The following CD34 variants were observed in gnomAD, a reference collection of about 807,000 sequenced individuals.
CD34 encodes CD34 molecule.
In CD34, 34 loss-of-function variants were observed where a neutral mutation model predicts 40.1. The observed-to-expected ratio is 0.85, with a 90% confidence interval of 0.65 to 1.13. CD34 has a LOEUF of 1.13. CD34 is among the 50% of genes most tolerant of loss of function. CD34 has a pLI of 0.00. For synonymous variants in CD34, 209 were observed against 190.0 expected (o/e 1.10, Z -0.82); for missense variants, 426 against 466.9 (o/e 0.91, Z 0.81).
At chr1:207,893,442 C>A (rs537454446) in intron 4 of CD34, among the ~76,000 whole-genome samples, 1 of 152,012 alleles carries the variant, frequency 6.6e-6, no homozygotes, top group African/African-American at 2.4e-5. Context: ...CAGGTGAAAA[C>A]GCTATTTTCA....
intron 4 of CD34, among the ~76,000 whole-genome samples, chr1:207,894,044 T>C (rs1167951505): frequency 1.3e-5 from 2 of 152,226 alleles, no homozygotes; most frequent in African/African-American, 2.4e-5. Flanking sequence ...GCCATTTCAC[T>C]TTTGGATATA....
chr1:207,889,124 G>T, intron 6 of CD34, 37 bp downstream of exon 6: 1 of 1,286,788 alleles, frequency 7.8e-7, no homozygotes, highest in Non-Finnish European at 1.1e-6. Context: ...CCCTGCCCCG[G>T]CATTCCCTCT....
intron 1 of CD34, 53 bp from the exon 2 acceptor site, chr1:207,900,056 T>G: frequency 2.9e-6 from 4 of 1,380,154 alleles, no homozygotes; most frequent in Middle Eastern, 1.9e-4. Flanking sequence ...AGCCTGGTGA[T>G]ATCACCTGAT....
intron 3 of CD34, among the ~76,000 whole-genome samples, chr1:207,898,127 C>A (rs957012375): frequency 6.6e-6 from 1 of 152,070 alleles, no homozygotes; most frequent in East Asian, 1.9e-4. Context: ...CTCACTGCAA[C>A]CTCCACCTCC....
chr1:207,896,359 C>T (rs1395860400), intron 4 of CD34, among the ~76,000 whole-genome samples: 1 of 152,164 alleles, frequency 6.6e-6, no homozygotes, highest in Non-Finnish European at 1.5e-5. Context: ...ACATTCTTTC[C>T]AATGCAGTAA....
intron 4 of CD34, among the ~76,000 whole-genome samples, chr1:207,896,666 G>GCC (rs1662154339): frequency 6.6e-6 from 1 of 151,932 alleles, no homozygotes; most frequent in African/African-American, 2.4e-5. Context: ...GATGCTGAGA[G>GCC]ATGCAAAAGA....
intron 4 of CD34, among the ~76,000 whole-genome samples, chr1:207,893,155 C>T (rs1662071364): frequency 6.6e-6 from 1 of 152,170 alleles, no homozygotes; most frequent in African/African-American, 2.4e-5. Flanking sequence ...ATCAGATTTA[C>T]AAGCTCCTAA....
chr1:207,889,631 C>G lies in CD34; in HGVS notation c.598-10G>C, dbSNP rs745829457. 6.2e-7 allele frequency: 1 copy of G among 1,611,812 alleles called. No homozygotes were observed. Among genetic ancestry groups the G allele is most frequent in the South Asian group, 1.1e-5 (1 of 90,782 alleles). On this transcript the variant is annotated splice_polypyrimidine_tract_variant and intron_variant, in intron 4 of 7. Transcript: ENST00000310833. ...CCTTCTTAAACTCCGCCTGGGAAGA[C>G]AGAGAAACATGGAGAGCAAGAGATG...
rs1661801161 is a variant in CD34, at chr1:207,881,428, G to C, written c.*6310C>G. ...TAATCCCAGCGCTTTGGGAGGCTGA[G>C]GTGGGTGGATCATGAGGTCAGGAGA... On this transcript the variant is annotated 3_prime_UTR_variant, in exon 8 of 8. Coordinates refer to ENST00000310833, the MANE Select transcript of CD34 (RefSeq NM_001025109.2). 1 of 152,248 alleles carries C rather than the reference G, an allele frequency of 6.6e-6. No individual in the cohort carries two copies. Among genetic ancestry groups the C allele is most frequent in the Non-Finnish European group, 1.5e-5 (1 of 68,082 alleles). 9.4% of individuals were successfully genotyped at this position (152,248 alleles called of 1,614,324 possible).
intron 4 of CD34, among the ~76,000 whole-genome samples, chr1:207,892,194 T>C (rs1404463785): frequency 5.9e-5 from 9 of 152,232 alleles, no homozygotes; most frequent in Admixed American, 5.9e-4. Flanking sequence ...CTCTGCTCTT[T>C]ACTGGATTCT....
intron 4 of CD34, among the ~76,000 whole-genome samples, chr1:207,897,284 A>C (rs1435770078): frequency 6.6e-6 from 1 of 152,204 alleles, no homozygotes; most frequent in African/African-American, 2.4e-5. Context: ...TTTATTAATA[A>C]TTAAAATTGT....
At chr1:207,889,058 G>GGA in intron 6 of CD34, 103 bp downstream of exon 6, 1 of 909,260 alleles carries the variant, frequency 1.1e-6, no homozygotes, top group African/African-American at 1.6e-5. Context: ...ACTCAGAGAA[G>GGA]GATGGTAGGT....
chr1:207,889,668 C>G (rs1661988772), intron 4 of CD34, 47 bp from the exon 5 acceptor site: 11 of 1,610,376 alleles, frequency 6.8e-6, no homozygotes, highest in Non-Finnish European at 9.3e-6. Flanking sequence ...AATTACTGCT[C>G]TGCCCTAAAC....
At chr1:207,895,198 G>A (rs1662124731) in intron 4 of CD34, among the ~76,000 whole-genome samples, 1 of 152,228 alleles carries the variant, frequency 6.6e-6, no homozygotes, top group Admixed American at 6.5e-5. Flanking sequence ...TTGTTTATCA[G>A]ACAAGCAGGG....
chr1:207,904,475 C>G (rs551064760), intron 1 of CD34, among the ~76,000 whole-genome samples: 2 of 152,214 alleles, frequency 1.3e-5, no homozygotes, highest in Non-Finnish European at 2.9e-5. Context: ...TCAAAGGCTT[C>G]TTTACCATGT....
In CD34 at chr1:207,896,114, G is replaced by A. The variant is rs112653006; in HGVS notation, c.597+1379C>T. On this transcript the variant is annotated intron_variant, in intron 4 of 7. Coordinates refer to ENST00000310833, the MANE Select transcript of CD34 (RefSeq NM_001025109.2). ...TACCGAGTTAGAATGGAAAAAATAA[G>A]TAATTTAAGCCCTCTACAGGCTGCG... Among the ~76,000 whole-genome samples the A allele has an allele frequency of 3.0e-3, 463 of 152,330 alleles. 1 individual carries two copies. Among genetic ancestry groups the A allele is most frequent in the Non-Finnish European group, 4.5e-3 (303 of 68,032 alleles).
chr1:207,884,377 T>G lies in CD34; in HGVS notation c.*3361A>C, dbSNP rs1191595284. ...TTACTGTCCTCTTCTGCTAGAATTA[T>G]AAGCTTCATGAGTGTTTGCTGTATC... On this transcript the variant is annotated 3_prime_UTR_variant, in exon 8 of 8. Coordinates refer to ENST00000310833, the MANE Select transcript of CD34 (RefSeq NM_001025109.2). The G allele has an allele frequency of 5.9e-5, 9 of 152,392 alleles. No homozygotes were observed. Among genetic ancestry groups the G allele is most frequent in the Admixed American group, 5.9e-4 (9 of 15,310 alleles). The allele number at this position is 152,392 out of a possible 1,614,324, so 9.4% of individuals were successfully genotyped here. A position where few individuals can be genotyped will look rare whatever the true frequency, so the allele number is the denominator to read the frequency against.
At chr1:207,910,793 G>C (rs1468465530) in intron 1 of CD34, among the ~76,000 whole-genome samples, 1 of 152,200 alleles carries the variant, frequency 6.6e-6, no homozygotes, top group Non-Finnish European at 1.5e-5. Flanking sequence ...GCACACTCGC[G>C]GGGGTGATGG....
At chr1:207,891,706 G>T (rs908916587) in intron 4 of CD34, among the ~76,000 whole-genome samples, 1 of 151,224 alleles carries the variant, frequency 6.6e-6, no homozygotes, top group East Asian at 1.9e-4. Flanking sequence ...TGATATCCAG[G>T]CACAGTTCTG....
Sources: allele counts gnomAD v4.1 joint callset (sites outside exome capture counted in the v4.1 genomes callset), GRCh38; gene constraint gnomAD v4.1.1; transcripts MANE v1.5; gene names NCBI Gene and HGNC (gene_info 2026-07-23, HGNC 2026-07-21).